Variants in DCAF8L2 observed in about 807,000 individuals in gnomAD.
DCAF8L2 encodes DDB1- and CUL4-associated factor 8-like protein 2.
For missense variants in DCAF8L2, 430 were observed against 490.7 expected, an observed-to-expected ratio of 0.88 and a Z score of 1.17; for synonymous variants, 200 against 190.9, an observed-to-expected ratio of 1.05 and a Z score of -0.39.
intron 3 of DCAF8L2, among the ~76,000 whole-genome samples, chrX:27,684,067 C>CCTTTTTTCATTGAATAT (rs1404003922): frequency 8.9e-6 from 1 of 112,485 alleles, no homozygotes; most frequent in Admixed American, 9.5e-5. Flanking sequence ...TCATTGAATA[C>CCTTTTTTCATTGAATAT]CTTTTTTCAT....
At chrX:27,486,337 T>C in the DCAF8L2 span, among the ~76,000 whole-genome samples, 1 of 110,772 alleles carries the variant, frequency 9.0e-6, no homozygotes, top group Non-Finnish European at 1.9e-5. Context: ...AAAAGAAGGA[T>C]ACATAGAGTC....
chrX:27,523,102 C>T, the DCAF8L2 span, among the ~76,000 whole-genome samples: 90 of 111,465 alleles, frequency 8.1e-4, no homozygotes, highest in African/African-American at 2.7e-3. Flanking sequence ...TTGAATGCTT[C>T]CTGTGAAATC....
chrX:27,738,278 C>G lies in DCAF8L2; in HGVS notation c.-58-8560C>G, dbSNP rs562278142. On this transcript the variant is annotated intron_variant, in intron 4 of 4. Coordinates refer to ENST00000451261, the MANE Select transcript of DCAF8L2 (RefSeq NM_001353450.2). ...TTACTCTTTTAATCAAATTGTTTTG[C>G]CTTAATAGCTTGAGTACACATGATA... Among the ~76,000 whole-genome samples the G allele has an allele frequency of 1.6e-4, 18 of 111,534 alleles. No individual in the cohort carries two copies. The South Asian group carries it at 3.8e-3, about 23-fold the overall frequency.
the DCAF8L2 span, among the ~76,000 whole-genome samples, chrX:27,528,101 A>C: frequency 1.9e-5 from 1 of 52,170 alleles, no homozygotes; most frequent in East Asian, 5.4e-4. Flanking sequence ...ACTAATTTTT[A>C]ATTTAATTTA....
chrX:27,583,742 C>G, the DCAF8L2 span, among the ~76,000 whole-genome samples: 3 of 111,240 alleles, frequency 2.7e-5, no homozygotes, highest in Non-Finnish European at 5.7e-5. Context: ...CTGGGTTGCA[C>G]GCTCCTTACG....
At chrX:27,499,632 G>A in the DCAF8L2 span, among the ~76,000 whole-genome samples, 2 of 111,297 alleles carry the variant, frequency 1.8e-5, no homozygotes, top group Non-Finnish European at 3.8e-5. Flanking sequence ...TGGGGCAAAG[G>A]GGAAGCAAGC....
At chrX:27,503,096 C>T in the DCAF8L2 span, among the ~76,000 whole-genome samples, 15,041 of 111,379 alleles carry the variant, frequency 0.14, 853 homozygotes, top group East Asian at 0.36. Context: ...CCATGTCTAA[C>T]ATTTCCTTTG....
At chrX:27,667,855 A>G (rs1882280111) in intron 2 of DCAF8L2, among the ~76,000 whole-genome samples, 2 of 112,149 alleles carry the variant, frequency 1.8e-5, no homozygotes, top group South Asian at 7.3e-4. Flanking sequence ...AAATATTGCT[A>G]TTTTGTTATT....
At chrX:27,528,113 T>A in the DCAF8L2 span, among the ~76,000 whole-genome samples, 5 of 105,607 alleles carry the variant, frequency 4.7e-5, no homozygotes, top group Non-Finnish European at 7.8e-5. Flanking sequence ...TTTAATTTAA[T>A]TAATTATTAA....
At chrX:27,633,880 T>G (rs934759951) in intron 2 of DCAF8L2, 2 of 111,878 alleles carry the variant, frequency 1.8e-5, no homozygotes, top group African/African-American at 6.5e-5. Context: ...TTATCAATGT[T>G]AAAATTAGCA....
the DCAF8L2 span, among the ~76,000 whole-genome samples, chrX:27,579,394 T>C: frequency 1.8e-5 from 2 of 109,215 alleles, no homozygotes; most frequent in Non-Finnish European, 3.8e-5. Context: ...ACAACACACA[T>C]TGGCGCCTGT....
At chrX:27,598,352 CCA>C (rs199788047) in intron 1 of DCAF8L2, among the ~76,000 whole-genome samples, 2,042 of 111,533 alleles carry the variant, frequency 0.018, 51 homozygotes, top group African/African-American at 0.062. Flanking sequence ...ATAACCCCCC[CCA>C]CCCAACCCCC....
chrX:27,513,725 C>G, the DCAF8L2 span, among the ~76,000 whole-genome samples: 1 of 104,867 alleles, frequency 9.5e-6, no homozygotes, highest in East Asian at 2.9e-4. Flanking sequence ...AAAAAGGGAA[C>G]AAAGTCCTGC....
At chrX:27,618,828 T>G (rs757411470) in intron 1 of DCAF8L2, among the ~76,000 whole-genome samples, 1 of 111,468 alleles carries the variant, frequency 9.0e-6, no homozygotes, top group African/African-American at 3.3e-5. Context: ...TGATTGGATT[T>G]TAAGCTTTAT....
At chrX:27,722,567 C>T (rs1347183198) in intron 4 of DCAF8L2, among the ~76,000 whole-genome samples, 2 of 111,204 alleles carry the variant, frequency 1.8e-5, no homozygotes, top group Non-Finnish European at 3.8e-5. Context: ...TGTGTGGTTT[C>T]TACTGAATGT....
chrX:27,494,126 G>T, the DCAF8L2 span, among the ~76,000 whole-genome samples: 1 of 111,544 alleles, frequency 9.0e-6, no homozygotes, highest in Non-Finnish European at 1.9e-5. Context: ...TGACTTTTGC[G>T]GCCAGGCACA....
the DCAF8L2 span, among the ~76,000 whole-genome samples, chrX:27,522,795 A>G: frequency 4.5e-5 from 5 of 111,571 alleles, no homozygotes; most frequent in Middle Eastern, 4.6e-3. Flanking sequence ...TTTTCATTTT[A>G]TTTCTTCTTT....
chrX:27,682,615 A>G (rs1930366406), intron 3 of DCAF8L2, among the ~76,000 whole-genome samples: 1 of 110,952 alleles, frequency 9.0e-6, no homozygotes, highest in South Asian at 3.8e-4. Context: ...ATAGTTGTAG[A>G]TTAATAGAGA....
At chrX:27,702,648 TCAA>T (rs1602751804) in intron 3 of DCAF8L2, among the ~76,000 whole-genome samples, 1 of 111,040 alleles carries the variant, frequency 9.0e-6, no homozygotes, top group African/African-American at 3.3e-5. Flanking sequence ...TTCACAAAAT[TCAA>T]CAACATTTCA....
Sources: allele counts gnomAD v4.1 joint callset (sites outside exome capture counted in the v4.1 genomes callset), GRCh38; gene constraint gnomAD v4.1.1; transcripts MANE v1.5; gene names NCBI Gene and HGNC (gene_info 2026-07-23, HGNC 2026-07-21).